The following ZNF638 variants were observed in gnomAD, a reference collection of about 807,000 sequenced individuals.
ZNF638 encodes zinc finger protein 638, also known as CTCL tumor antigen se33-1.
A neutral mutation model predicts 195.6 loss-of-function variants in ZNF638; 46 were observed. The observed-to-expected ratio is 0.24, with a 90% CI of 0.19 to 0.30. ZNF638 has a LOEUF of 0.30. ZNF638 is among the 10% of genes least tolerant of loss of function. The pLI is 1.00. For missense variants in ZNF638, 2,440 were observed against 2,325.3 expected, an observed-to-expected ratio of 1.05 and a Z score of -1.01; for synonymous variants, 845 against 772.0, an observed-to-expected ratio of 1.09 and a Z score of -1.57.
At chr2:71,422,581 G>A (rs1175519225) in intron 21 of ZNF638, among the ~76,000 whole-genome samples, 2 of 152,114 alleles carry the variant, frequency 1.3e-5, no homozygotes, top group Admixed American at 6.5e-5. Flanking sequence ...TCACATGAGC[G>A]CAAAAGGAAC....
At chr2:71,376,684 C>G (rs1223474863) in intron 8 of ZNF638, among the ~76,000 whole-genome samples, 1 of 148,746 alleles carries the variant, frequency 6.7e-6, no homozygotes, top group East Asian at 2.0e-4. Flanking sequence ...CTCCATTTTG[C>G]TGCTTCTATG....
chr2:71,349,504 C>T lies in ZNF638; in HGVS notation c.550C>T (p.Arg184Cys), dbSNP rs138776273. 5 of 1,614,002 alleles carry T rather than the reference C, an allele frequency of 3.1e-6. No homozygotes were observed. The highest frequency in any genetic ancestry group is 3.3e-5 in the Admixed American group (2 of 60,006). ...GGATATAAGAATGCGAAAAATGGGGCGCCGATTACCTAATTTACCTTCTCA... is the reference window on the plus strand; with the variant it reads ...GGATATAAGAATGCGAAAAATGGGGTGCCGATTACCTAATTTACCTTCTCA... Reference protein sequence around the residue: ...LRDIRMRKMGRRLPNLPSQSR... With the variant: ...LRDIRMRKMGCRLPNLPSQSR... The change falls in exon 2 of 28, where the codon CGC (arginine) becomes TGC (cysteine). Residue 184 changes from arginine (R) to cysteine (C), a missense_variant. This residue lies in a region of ZNF638 where 305 missense variants were observed against 283.6 expected (regional missense o/e 1.08). Coordinates refer to ENST00000264447, the MANE Select transcript of ZNF638 (RefSeq NM_014497.5).
intron 27 of ZNF638, 129 bp downstream of exon 27, chr2:71,433,412 C>G: frequency 4.6e-6 from 3 of 652,750 alleles, no homozygotes; most frequent in Non-Finnish European, 7.9e-6. Context: ...CCTCTTAAGT[C>G]CTGTTTTCTC....
At chr2:71,398,363 A>G (rs1355580776) in intron 11 of ZNF638, among the ~76,000 whole-genome samples, 1 of 152,082 alleles carries the variant, frequency 6.6e-6, no homozygotes, top group Non-Finnish European at 1.5e-5. Context: ...AGTTTTTTTT[A>G]AGTACTTACA....
At chr2:71,384,307 G>T (rs764581688) in intron 10 of ZNF638, among the ~76,000 whole-genome samples, 2 of 152,136 alleles carry the variant, frequency 1.3e-5, no homozygotes, top group Non-Finnish European at 2.9e-5. Flanking sequence ...TTGCCCAGAG[G>T]TCTCTTTAAA....
intron 8 of ZNF638, among the ~76,000 whole-genome samples, chr2:71,376,946 A>G (rs938842594): frequency 6.6e-6 from 1 of 152,112 alleles, no homozygotes; most frequent in Admixed American, 6.5e-5. Context: ...TCCCAGGGAA[A>G]GGGCCATATT....
chr2:71,408,961 GA>G (rs952267829), intron 20 of ZNF638, among the ~76,000 whole-genome samples: 52 of 151,990 alleles, frequency 3.4e-4, no homozygotes, highest in African/African-American at 1.1e-3. Context: ...GATAATTTCA[GA>G]AAAAAATATA....
chr2:71,355,674 C>A, intron 2 of ZNF638, 45 bp from the exon 3 acceptor site: 1 of 1,264,952 alleles, frequency 7.9e-7, no homozygotes, highest in Non-Finnish European at 1.1e-6. Context: ...CATTAGTCAA[C>A]ATGAGGAATA....
chr2:71,433,103 C>T (rs1239395986), intron 26 of ZNF638, 62 bp from the exon 27 acceptor site: 4 of 1,260,324 alleles, frequency 3.2e-6, no homozygotes, highest in African/African-American at 1.5e-5. Context: ...ATGAATAAAT[C>T]GATGAACACA....
intron 3 of ZNF638, among the ~76,000 whole-genome samples, chr2:71,358,253 A>G (rs1191992752): frequency 6.6e-6 from 1 of 152,208 alleles, no homozygotes; most frequent in Admixed American, 6.5e-5. Flanking sequence ...CAAGAATTTT[A>G]GTTTGATTAC....
intron 3 of ZNF638, among the ~76,000 whole-genome samples, chr2:71,361,105 G>C (rs779492550): frequency 3.3e-5 from 5 of 152,158 alleles, no homozygotes; most frequent in Non-Finnish European, 7.3e-5. Flanking sequence ...AGGACCACTG[G>C]TGAGTGCCAC....
chr2:71,352,505 AAAAAAG>A (rs2078959761), intron 2 of ZNF638, among the ~76,000 whole-genome samples: 1 of 151,596 alleles, frequency 6.6e-6, no homozygotes, highest in South Asian at 2.1e-4. Flanking sequence ...TAAAAAAAAA[AAAAAAG>A]AAGAGGAGGG....
At chr2:71,379,999 A>G (rs1339721522) in intron 8 of ZNF638, 4 of 337,448 alleles carry the variant, frequency 1.2e-5, no homozygotes, top group African/African-American at 8.6e-5. Context: ...GTCTTGGATA[A>G]GGAGAAACTG....
rs776589788 is a variant in ZNF638, at chr2:71,364,056, G to T, written c.1521G>T (p.Arg507=). 1.1e-5 allele frequency: 17 copies of T among 1,614,204 alleles called. No individual in the cohort carries two copies. The highest frequency in any genetic ancestry group is 1.4e-5 in the Non-Finnish European group (16 of 1,180,036). Residue 507 remains arginine (R), a synonymous_variant, in exon 5 of 28, where the codon CGG becomes CGT. Coordinates refer to ENST00000264447, the MANE Select transcript of ZNF638 (RefSeq NM_014497.5). ...CAAGCTCAAGTCACAGATTCCGTCGGTCTCGAAGCCCAATGCATTACATGT... is the reference window on the plus strand; with the variant it reads ...CAAGCTCAAGTCACAGATTCCGTCGTTCTCGAAGCCCAATGCATTACATGT... The part of the protein sequence containing the change: ...RRSSSSHRFR[R]SRSPMHYMYR...
chr2:71,344,662 T>C (rs760464618), intron 1 of ZNF638, among the ~76,000 whole-genome samples: 1 of 152,148 alleles, frequency 6.6e-6, no homozygotes, highest in Non-Finnish European at 1.5e-5. Context: ...GGCCTGATAC[T>C]TAATCTTGTA....
chr2:71,341,226 T>G (rs1193085937), intron 1 of ZNF638, among the ~76,000 whole-genome samples: 1 of 152,226 alleles, frequency 6.6e-6, no homozygotes, highest in Non-Finnish European at 1.5e-5. Flanking sequence ...CTGAAAGAAT[T>G]TTTATGGTTG....
chr2:71,362,981 C>G (rs2079134298), intron 3 of ZNF638, among the ~76,000 whole-genome samples, 172 bp from the exon 4 acceptor site: 1 of 151,902 alleles, frequency 6.6e-6, no homozygotes, highest in South Asian at 2.1e-4. Context: ...AGTGTGTTTC[C>G]CTGATACACC....
chr2:71,344,891 G>A (rs1020094583), intron 1 of ZNF638, among the ~76,000 whole-genome samples: 5 of 152,222 alleles, frequency 3.3e-5, no homozygotes, highest in African/African-American at 4.8e-5. Context: ...GGATATGAAT[G>A]GTAGAAGACA....
intron 13 of ZNF638, 85 bp downstream of exon 13, chr2:71,399,730 C>CTT (rs2079967909): frequency 9.5e-7 from 1 of 1,057,794 alleles, no homozygotes. Context: ...GTGCAGGTTT[C>CTT]TTACATAGGT....
Sources: gnomAD v4.1 joint callset for allele counts (sites outside exome capture counted in the v4.1 genomes callset) on GRCh38, gnomAD v4.1.1 for gene constraint, gnomAD v4.1.1 regional missense constraint, MANE v1.5 for transcripts, NCBI Gene and HGNC (gene_info 2026-07-23, HGNC 2026-07-21) for gene names.